UNC5B: variants seen among roughly 807,000 people sequenced by gnomAD.
The protein encoded by UNC5B is unc-5 netrin receptor B.
A neutral mutation model predicts 103.7 loss-of-function variants in UNC5B; 56 were observed. The observed-to-expected ratio is 0.54, with a 90% confidence interval of 0.44 to 0.67. UNC5B has a LOEUF of 0.67. Among genes scored for constraint, UNC5B ranks in the 30% least tolerant of loss-of-function variants. UNC5B has a pLI of 0.00. For synonymous variants in UNC5B, 577 were observed against 542.0 expected, an observed-to-expected ratio of 1.06 and a Z score of -0.90; for missense variants, 1,194 against 1,284.5, an observed-to-expected ratio of 0.93 and a Z score of 1.08.
intron 1 of UNC5B, among the ~76,000 whole-genome samples, chr10:71,251,809 G>T (rs1844181007): frequency 1.3e-5 from 2 of 152,194 alleles, no homozygotes; most frequent in African/African-American, 4.8e-5. Flanking sequence ...GGGAAGAATT[G>T]AGGATATTTA....
At chr10:71,245,670 G>A (rs1844015210) in intron 1 of UNC5B, among the ~76,000 whole-genome samples, 1 of 152,232 alleles carries the variant, frequency 6.6e-6, no homozygotes, top group South Asian at 2.1e-4. Flanking sequence ...ATGGCCACTA[G>A]GTTTGGGCCA....
chr10:71,286,387 G>A (rs568107318), intron 4 of UNC5B, among the ~76,000 whole-genome samples: 2 of 152,166 alleles, frequency 1.3e-5, no homozygotes, highest in Non-Finnish European at 1.5e-5. Flanking sequence ...CATTGTTCTC[G>A]GCACCTTACA....
intron 1 of UNC5B, among the ~76,000 whole-genome samples, chr10:71,226,353 G>T (rs1843564202): frequency 6.6e-6 from 1 of 152,330 alleles, no homozygotes; most frequent in East Asian, 1.9e-4. Context: ...GGGATTACGG[G>T]CATGAGCCAC....
intron 1 of UNC5B, among the ~76,000 whole-genome samples, chr10:71,261,319 G>C (rs1844412885): frequency 6.6e-6 from 1 of 152,180 alleles, no homozygotes; most frequent in African/African-American, 2.4e-5. Flanking sequence ...GCCTTGTCCA[G>C]ATGTGCCACA....
At position 71,292,454 on chromosome 10, in the gene UNC5B, C is replaced by T; in HGVS notation, c.1685-13C>T. 6.3e-7 allele frequency: 1 copy of T among 1,581,446 alleles called. No individual in the cohort carries two copies. The highest frequency in any genetic ancestry group is 8.6e-7 in the Non-Finnish European group (1 of 1,162,474). On this transcript the variant is annotated splice_polypyrimidine_tract_variant and intron_variant, in intron 10 of 16. Transcript: ENST00000335350. ...AGCTCCTGGACTCCCTGCTGACTTCCCTCTCCCCCTAGGGGTCAGCTTGCT... is the reference window on the plus strand; with the variant it reads ...AGCTCCTGGACTCCCTGCTGACTTCTCTCTCCCCCTAGGGGTCAGCTTGCT...
At chr10:71,279,685 TC>T in intron 1 of UNC5B, 135 bp from the exon 2 acceptor site, 1 of 894,688 alleles carries the variant, frequency 1.1e-6, no homozygotes, top group Non-Finnish European at 1.7e-6. Flanking sequence ...GCAGATTACG[TC>T]CCCAGGAGGG....
Position 71,298,091 on chromosome 10 carries a change from G to T in UNC5B, c.2672+1G>T. ...TAGCACAGAAGCTCTCTATGGACCG[G>T]TGAGTATCCCAAACCACAGCCCATC... On this transcript the variant is annotated splice_donor_variant, in intron 16 of 16. Transcript: ENST00000335350. LOFTEE classifies it high-confidence loss of function. 1 of 1,600,784 alleles carries T rather than the reference G, an allele frequency of 6.2e-7. No homozygotes were observed. The highest frequency in any genetic ancestry group is 8.5e-7 in the Non-Finnish European group (1 of 1,174,008).
At chr10:71,226,002 C>T (rs913387761) in intron 1 of UNC5B, among the ~76,000 whole-genome samples, 20 of 152,138 alleles carry the variant, frequency 1.3e-4, no homozygotes, top group African/African-American at 4.6e-4. Flanking sequence ...TCCTCCCCAC[C>T]CCCTAGTTCC....
chr10:71,289,612 A>G (rs913835662), intron 8 of UNC5B, among the ~76,000 whole-genome samples: 4 of 152,252 alleles, frequency 2.6e-5, no homozygotes, highest in Admixed American at 1.3e-4. Flanking sequence ...TTCTGGAATC[A>G]TAAAATCAGT....
Position 71,284,745 on chromosome 10 carries a change from C to G in UNC5B, c.330C>G (p.Ile110Met). 6.2e-7 allele frequency: 1 copy of G among 1,613,692 alleles called. No individual in the cohort carries two copies. The highest frequency in any genetic ancestry group is 8.5e-7 in the Non-Finnish European group (1 of 1,179,896). The change falls in exon 3 of 17, where the codon ATC becomes ATG. Residue 110 changes from isoleucine (I) to methionine (M), a missense_variant. Ile to Met is a conservative substitution (Grantham distance 10, BLOSUM62 1). Transcript: ENST00000335350. ...GCCTGCGGGTGCGCGAGGTGCAGAT[C>G]GAGGTGTCGCGGCAGCAGGTGGAGG... is the stretch of plus-strand genomic sequence containing the variant. The part of the protein sequence containing the change: ...ATGLRVREVQ[I>M]EVSRQQVEEL...
At chr10:71,224,980 G>A (rs1843531623) in intron 1 of UNC5B, among the ~76,000 whole-genome samples, 1 of 152,188 alleles carries the variant, frequency 6.6e-6, no homozygotes, top group Non-Finnish European at 1.5e-5. Context: ...AGTCCTGTGG[G>A]GTGACTTGGT....
chr10:71,254,593 A>T (rs1004339232), intron 1 of UNC5B, among the ~76,000 whole-genome samples: 3 of 152,042 alleles, frequency 2.0e-5, no homozygotes, highest in African/African-American at 7.3e-5. Context: ...GGTTGGGGGG[A>T]GGGAGATTTA....
In UNC5B at chr10:71,223,060, G is replaced by A. The variant is rs539468164; in HGVS notation, c.79+9996G>A. 7.2e-5 allele frequency among the ~76,000 whole-genome samples: 11 copies of A among 152,320 alleles called. No individual in the cohort carries two copies. In the South Asian group the frequency reaches 1.2e-3, roughly 17 times the overall value. The stretch of plus-strand genomic sequence containing the variant: ...ACCTGTGGTGGGATGGGAGTCTGTC[G>A]GATGGGGCAGCCTGCGTTCTTTCCT... On this transcript the variant is annotated intron_variant, in intron 1 of 16. Transcript: ENST00000335350.
intron 1 of UNC5B, among the ~76,000 whole-genome samples, chr10:71,247,895 A>G (rs1486079511): frequency 6.6e-6 from 1 of 152,158 alleles, no homozygotes; most frequent in African/African-American, 2.4e-5. Flanking sequence ...TGAGACCTGG[A>G]AAACCCTCTC....
intron 1 of UNC5B, among the ~76,000 whole-genome samples, chr10:71,226,651 A>G (rs114856674): frequency 0.011 from 1,628 of 152,358 alleles, 31 homozygotes; most frequent in African/African-American, 0.037. Context: ...GATCAGCAGC[A>G]TCCAATTCCA....
At chr10:71,270,447 C>G (rs1215773049) in intron 1 of UNC5B, among the ~76,000 whole-genome samples, 1 of 152,044 alleles carries the variant, frequency 6.6e-6, no homozygotes, top group African/African-American at 2.4e-5. Context: ...TTAGGACTTT[C>G]TCCAGGGTCA....
intron 1 of UNC5B, among the ~76,000 whole-genome samples, chr10:71,218,464 C>T (rs376551764): frequency 2.6e-5 from 4 of 152,204 alleles, no homozygotes; most frequent in Admixed American, 1.3e-4. Flanking sequence ...CTTAAGAGAC[C>T]TCATTTTGCC....
Position 71,299,485 on chromosome 10 carries a change from C to T in UNC5B, c.*208C>T, listed in dbSNP as rs377164072. The T allele has an allele frequency of 4.1e-5, 24 of 578,832 alleles. No homozygotes were observed. In the East Asian group the frequency reaches 4.5e-4, roughly 11 times the overall value. 35.9% of individuals were successfully genotyped at this position (578,832 alleles called of 1,614,324 possible). A position where few individuals can be genotyped will look rare whatever the true frequency, so the allele number is the denominator to read the frequency against. On this transcript the variant is annotated 3_prime_UTR_variant, in exon 17 of 17. Coordinates refer to ENST00000335350, the MANE Select transcript of UNC5B (RefSeq NM_170744.5). ...TGTTAGAGGGCCCAGAGTTCCTTCT[C>T]CACCCCCGCTCTCTCTCTCTTGGCC... is the stretch of plus-strand genomic sequence containing the variant.
chr10:71,253,683 G>A (rs955855192), intron 1 of UNC5B, among the ~76,000 whole-genome samples: 5 of 152,134 alleles, frequency 3.3e-5, no homozygotes, highest in African/African-American at 7.2e-5. Context: ...TGTTGGCATC[G>A]CCAGGGCTGC....
Sources: gnomAD v4.1 joint callset for allele counts (sites outside exome capture counted in the v4.1 genomes callset) on GRCh38, gnomAD v4.1.1 for gene constraint, MANE v1.5 for transcripts, NCBI Gene and HGNC (gene_info 2026-07-23, HGNC 2026-07-21) for gene names.